The following LCN6 variants were observed in gnomAD, a reference collection of about 807,000 sequenced individuals.
LCN6 encodes the protein epididymal-specific lipocalin-6.
In LCN6, 20 loss-of-function variants were observed where a neutral mutation model predicts 21.4. The ratio of observed to expected loss-of-function variants is 0.93; its 90% CI spans 0.66 to 1.36. The LOEUF is 1.36. LCN6 is among the 40% of genes most tolerant of loss of function. The pLI is 0.00. For synonymous variants in LCN6, 96 were observed against 89.0 expected (o/e 1.08, Z -0.44); for missense variants, 217 against 206.6 (o/e 1.05, Z -0.31).
rs759556939 is a variant in LCN6 at position 136,747,386 on chromosome 9, C to T, written c.230+38G>A. Reference sequence around the variant, plus strand: ...TACATGATGTGGCTGAGCCACAGTCCTGCCTGCGGGAAGGCCTGGCAGGAC... The same window carrying T: ...TACATGATGTGGCTGAGCCACAGTCTTGCCTGCGGGAAGGCCTGGCAGGAC... On this transcript the variant is annotated intron_variant, in intron 2 of 6. Transcript: ENST00000341206. The T allele has an allele frequency of 1.6e-5, 26 of 1,606,438 alleles. No homozygotes were observed. The East Asian group carries it at 5.1e-4, about 32-fold the overall frequency.
chr9:136,745,332 A>G, intron 3 of LCN6, 52 bp from the exon 4 acceptor site: 1 of 1,285,574 alleles, frequency 7.8e-7, no homozygotes, highest in Non-Finnish European at 1.1e-6. Flanking sequence ...GTATCCATCC[A>G]GGGGCCGCTG....
chr9:136,747,703 A>G, intron 1 of LCN6, 140 bp from the exon 2 acceptor site: 1 of 1,047,242 alleles, frequency 9.5e-7, no homozygotes, highest in Non-Finnish European at 1.3e-6. Context: ...TCCAGCCTCC[A>G]GCCTCCAACC....
intron 2 of LCN6, 74 bp downstream of exon 2, chr9:136,747,350 G>A: frequency 6.5e-7 from 1 of 1,549,712 alleles, no homozygotes; most frequent in Non-Finnish European, 8.8e-7. Flanking sequence ...CCCGGGAGCA[G>A]ATGTGCAAAG....
In LCN6 at chr9:136,744,627, G is replaced by A. The variant is rs995261261; in HGVS notation, c.*22+13C>T. 9.7e-6 allele frequency: 15 copies of A among 1,553,430 alleles called. No individual in the cohort carries two copies. The highest frequency in any genetic ancestry group is 2.3e-5 in the South Asian group (2 of 88,574). On this transcript the variant is annotated intron_variant, in intron 5 of 6. Coordinates refer to ENST00000341206, the MANE Select transcript of LCN6 (RefSeq NM_198946.3). The surrounding 1 kb of genome is among the most constrained non-coding windows in gnomAD (Gnocchi z 4.2). ...CCCAAGCCTCCCCCGAGGCTGCTCC[G>A]GTGGACACTCACGGTCCTTCTGCAG...
chr9:136,744,341 G>C lies in LCN6; in HGVS notation c.*46C>G, dbSNP rs934667498. The C allele has an allele frequency of 2.0e-5, 6 of 301,336 alleles. No homozygotes were observed. Among genetic ancestry groups the C allele is most frequent in the Non-Finnish European group, 3.8e-5 (6 of 158,772 alleles). 18.7% of individuals were successfully genotyped at this position (301,336 alleles called of 1,614,324 possible). On this transcript the variant is annotated splice_region_variant and 3_prime_UTR_variant, in exon 6 of 7. Transcript: ENST00000341206. This position sits in a 1 kb window ranked among gnomAD's most constrained non-coding sequence, Gnocchi z 4.2. ...TGAGGCTCAGGATGGCGGCTTACCA[G>C]AAGGATCTTGTGAGCACAGGTGACT...
At chr9:136,747,653 AAC>A in intron 1 of LCN6, 90 bp from the exon 2 acceptor site, 1 of 920,604 alleles carries the variant, frequency 1.1e-6, no homozygotes, top group Admixed American at 3.2e-5. Flanking sequence ...CCAGCCTCCA[AAC>A]CTCCAGCCTC....
At chr9:136,747,324 C>T in intron 2 of LCN6, 100 bp downstream of exon 2, 1 of 1,385,256 alleles carries the variant, frequency 7.2e-7, no homozygotes, top group Non-Finnish European at 9.9e-7. Context: ...CCGTGGGAAG[C>T]CCCCAGGCCG....
Position 136,747,555 on chromosome 9 carries a change from C to T in LCN6, c.99G>A (p.Gly33=), listed in dbSNP as rs150657492. 578 of 1,611,066 alleles carry T rather than the reference C, an allele frequency of 3.6e-4. 8 individuals are homozygous for T. In the East Asian group the frequency reaches 0.011, roughly 32 times the overall value. Reference sequence around the variant, plus strand: ...AGGCCACCGCAAGCACGTACCAGGGCCCAAGAAGCTGCATTGAGGCGGCTC... The same window carrying T: ...AGGCCACCGCAAGCACGTACCAGGGTCCAAGAAGCTGCATTGAGGCGGCTC... ...LGRLDPEQLL[G]PWYVLAVASR... Residue 33 remains glycine, a synonymous_variant, in exon 2 of 7, where the codon GGG becomes GGA. Coordinates refer to ENST00000341206, the MANE Select transcript of LCN6 (RefSeq NM_198946.3).
chr9:136,746,086 G>A, intron 2 of LCN6, 172 bp from the exon 3 acceptor site: 1 of 619,534 alleles, frequency 1.6e-6, no homozygotes, highest in Admixed American at 2.8e-5. Flanking sequence ...GACGGCGTGG[G>A]AGTCCTGAGA....
intron 2 of LCN6, among the ~76,000 whole-genome samples, chr9:136,746,680 C>T (rs1049985156): frequency 3.3e-5 from 5 of 152,112 alleles, no homozygotes; most frequent in South Asian, 2.1e-4. Flanking sequence ...GGGGAAGGCA[C>T]GCTGGTGAGG....
chr9:136,747,576 G>T lies in LCN6; in HGVS notation c.91-13C>A, dbSNP rs756724288. 5 of 1,606,778 alleles carry T rather than the reference G, an allele frequency of 3.1e-6. No homozygotes were observed. In the Admixed American group the frequency reaches 5.0e-5, roughly 16 times the overall value. On this transcript the variant is annotated splice_polypyrimidine_tract_variant and intron_variant, in intron 1 of 6. Coordinates refer to ENST00000341206, the MANE Select transcript of LCN6 (RefSeq NM_198946.3). ...AGGGCCCAAGAAGCTGCATTGAGGCGGCTCCCGTTAGGGCCGCCAGCCCTC... is the reference window on the plus strand; with the variant it reads ...AGGGCCCAAGAAGCTGCATTGAGGCTGCTCCCGTTAGGGCCGCCAGCCCTC...
rs571334412 is a variant in LCN6, at chr9:136,745,985, A to G, written c.231-71T>C. On this transcript the variant is annotated intron_variant, in intron 2 of 6. Transcript: ENST00000341206. The stretch of plus-strand genomic sequence containing the variant: ...GGCCCGGTGAGAGGAGACGGAGCTC[A>G]GGAGTCCAGGCCAGGCCAGCCAGCA... 4.2e-4 allele frequency: 580 copies of G among 1,379,516 alleles called. 1 individual carries two copies. The African/African-American group carries it at 7.6e-3, about 18-fold the overall frequency. The allele number at this position is 1,379,516 out of a possible 1,614,324, so 85.5% of individuals were successfully genotyped here.
rs1317010454 is a variant in LCN6, at chr9:136,744,922, G to A, written c.413-181C>T. The stretch of plus-strand genomic sequence containing the variant: ...GGGAACTTGGCCTGCATGTGGTCCT[G>A]TGCGGCCCACCCACCACACAGCTCC... On this transcript the variant is annotated intron_variant, in intron 4 of 6. Transcript: ENST00000341206. The surrounding 1 kb of genome is among the most constrained non-coding windows in gnomAD (Gnocchi z 4.2). Among the ~76,000 whole-genome samples the A allele has an allele frequency of 6.6e-6, 1 of 152,026 alleles. No individual in the cohort carries two copies. Among genetic ancestry groups the A allele is most frequent in the Non-Finnish European group, 1.5e-5 (1 of 67,994 alleles).
Position 136,744,600 on chromosome 9 carries a change from G to A in LCN6, c.*22+40C>T. ...TCACGCCCTGTGGGCTCCAGAACTT[G>A]CCCCAAGCCTCCCCCGAGGCTGCTC... is the stretch of plus-strand genomic sequence containing the variant. On this transcript the variant is annotated intron_variant, in intron 5 of 6. Transcript: ENST00000341206. This position sits in a 1 kb window ranked among gnomAD's most constrained non-coding sequence, Gnocchi z 4.2. 1.5e-6 allele frequency: 2 copies of A among 1,338,386 alleles called. No individual in the cohort carries two copies. Among genetic ancestry groups the A allele is most frequent in the Non-Finnish European group, 2.1e-6 (2 of 947,234 alleles). The allele number at this position is 1,338,386 out of a possible 1,614,324, so 82.9% of individuals were successfully genotyped here.
rs1847007133 is a variant in LCN6 at position 136,744,560 on chromosome 9, G to A, written c.*22+80C>T. 2.3e-6 allele frequency: 2 copies of A among 872,530 alleles called. No homozygotes were observed. Among genetic ancestry groups the A allele is most frequent in the African/African-American group, 1.7e-5 (1 of 60,242 alleles). 54.0% of individuals were successfully genotyped at this position (872,530 alleles called of 1,614,324 possible). A position where few individuals can be genotyped will look rare whatever the true frequency, so the allele number is the denominator to read the frequency against. On this transcript the variant is annotated intron_variant, in intron 5 of 6. Transcript: ENST00000341206. The surrounding 1 kb of genome is among the most constrained non-coding windows in gnomAD (Gnocchi z 4.2). ...GGCAGAAGCCAGAATCAACCCCAGG[G>A]TCTCTGTCACCCCATCACGCCCTGT...
intron 2 of LCN6, 50 bp downstream of exon 2, chr9:136,747,374 T>A (rs770814401): frequency 1.1e-5 from 18 of 1,600,166 alleles, no homozygotes; most frequent in Non-Finnish European, 1.5e-5. Context: ...ATGATGTGGC[T>A]GAGCCACAGT....
rs144269953 is a variant in LCN6 at position 136,745,859 on chromosome 9, C to G, written c.286G>C (p.Val96Leu). 3.2e-4 allele frequency: 510 copies of G among 1,613,764 alleles called. 2 individuals are homozygous for G. Among genetic ancestry groups the G allele is most frequent in the Non-Finnish European group, 4.0e-4 (476 of 1,179,858 alleles). ...MDLIKRNSGW[V>L]FENPSIGVLE... is the part of the protein sequence containing the mutation. ...TCAGACTCACAGGGATTCTCAAACA[C>G]CCATCCGGAGTTTCGCTTTATCAGG... Residue 96 changes from valine (V) to leucine (L), a missense_variant, in exon 3 of 7, where the codon GTG becomes CTG. Physicochemically the swap from Val to Leu is conservative, Grantham distance 32 (BLOSUM62 1). Transcript: ENST00000341206.
Position 136,744,696 on chromosome 9 carries a change from T to G in LCN6, c.458A>C (p.Lys153Thr), listed in dbSNP as rs145855725. The change falls in exon 5 of 7, where the codon AAG (lysine) becomes ACG (threonine). Residue 153 changes from lysine (K) to threonine (T), a missense_variant. By Grantham distance (78) the Lys-to-Thr change is moderately conservative. Transcript: ENST00000341206. This position sits in a 1 kb window ranked among gnomAD's most constrained non-coding sequence, Gnocchi z 4.2. ...ASQEAMGLFT[K>T]WSRSLGFLSQ ...CAGGAAGCCCAGGCTCCTGCTCCAC[T>G]TGGTGAAGAGCCCCATGGCCTCCTG... 7.4e-6 allele frequency: 12 copies of G among 1,610,806 alleles called. No homozygotes were observed. In the Admixed American group the frequency reaches 1.8e-4, roughly 25 times the overall value.
At chr9:136,745,811 C>A in intron 3 of LCN6, 33 bp downstream of exon 3, 4 of 1,599,134 alleles carry the variant, frequency 2.5e-6, no homozygotes, top group Non-Finnish European at 3.4e-6. Context: ...CAGGGAAGAA[C>A]GGCCTGGGTG....
Sources: allele counts gnomAD v4.1 joint callset (sites outside exome capture counted in the v4.1 genomes callset), GRCh38; gene constraint gnomAD v4.1.1; non-coding constraint Gnocchi (gnomAD v3.1); transcripts MANE v1.5; gene names NCBI Gene and HGNC (gene_info 2026-07-23, HGNC 2026-07-21).